The following AMOTL1 variants were observed in gnomAD, a reference collection of about 807,000 sequenced individuals.
The protein encoded by AMOTL1 is angiomotin-like protein 1.
A neutral mutation model predicts 102.9 loss-of-function variants in AMOTL1; 45 were observed. That is an observed-to-expected ratio of 0.44 (90% CI 0.34 to 0.56). The LOEUF is 0.56. AMOTL1 is among the 20% of genes least tolerant of loss of function. The probability of loss-of-function intolerance (pLI) is 0.01; values close to 1 mark genes in which losing one functional copy is unlikely to be tolerated. For synonymous variants in AMOTL1, 481 were observed against 484.7 expected, an observed-to-expected ratio of 0.99 and a Z score of 0.10; for missense variants, 1,114 against 1,225.6, an observed-to-expected ratio of 0.91 and a Z score of 1.36.
At chr11:94,805,383 G>A (rs1002877882) in intron 3 of AMOTL1, among the ~76,000 whole-genome samples, 2 of 152,150 alleles carry the variant, frequency 1.3e-5, no homozygotes, top group African/African-American at 2.4e-5. Flanking sequence ...GTGGGCTTTC[G>A]TCTGTCTTTT....
rs1953003546 is a variant in AMOTL1 at position 94,871,875 on chromosome 11, G to A, written c.*1080G>A. 1 of 152,104 alleles carries A rather than the reference G, an allele frequency of 6.6e-6. No homozygotes were observed. The highest frequency in any genetic ancestry group is 1.5e-5 in the Non-Finnish European group (1 of 68,030). 9.4% of individuals were successfully genotyped at this position (152,104 alleles called of 1,614,324 possible). ...TAGGACAGCACTCCAGGAAACAGAT[G>A]ACAATTTACAGACAGTTGTCTCAGT... On this transcript the variant is annotated 3_prime_UTR_variant, in exon 13 of 13. Coordinates refer to ENST00000433060, the MANE Select transcript of AMOTL1 (RefSeq NM_130847.3).
intron 1 of AMOTL1, among the ~76,000 whole-genome samples, chr11:94,770,365 G>A (rs1013270881): frequency 3.3e-5 from 5 of 151,934 alleles, no homozygotes; most frequent in Non-Finnish European, 7.4e-5. Context: ...TGACTAGAAT[G>A]AAGGAAAACA....
intron 1 of AMOTL1, among the ~76,000 whole-genome samples, chr11:94,721,212 A>G (rs1450205537): frequency 1.3e-5 from 2 of 152,170 alleles, no homozygotes; most frequent in East Asian, 1.9e-4. Flanking sequence ...CCAAGTGGAC[A>G]TGTGGCATAA....
chr11:94,808,285 C>T (rs1298622173), intron 3 of AMOTL1, among the ~76,000 whole-genome samples: 1 of 151,902 alleles, frequency 6.6e-6, no homozygotes, highest in Admixed American at 6.6e-5. Flanking sequence ...CTTTTACCCT[C>T]CTCTCACATG....
intron 3 of AMOTL1, among the ~76,000 whole-genome samples, chr11:94,802,555 C>A (rs1345169517): frequency 6.6e-6 from 1 of 152,148 alleles, no homozygotes; most frequent in Non-Finnish European, 1.5e-5. Flanking sequence ...TTTTGGAGGT[C>A]ATTTTTCTCA....
intron 3 of AMOTL1, among the ~76,000 whole-genome samples, chr11:94,749,195 T>C (rs1950622572): frequency 6.6e-6 from 1 of 152,132 alleles, no homozygotes; most frequent in Admixed American, 6.5e-5. Flanking sequence ...ATGATGTAAC[T>C]CTCAGCCCAA....
At chr11:94,784,320 T>C (rs2135537358) in intron 1 of AMOTL1, among the ~76,000 whole-genome samples, 1 of 152,326 alleles carries the variant, frequency 6.6e-6, no homozygotes, top group East Asian at 1.9e-4. Context: ...CATTTATGTA[T>C]GGTATGCTAG....
chr11:94,742,358 G>C (rs190659343), intron 3 of AMOTL1, among the ~76,000 whole-genome samples: 1 of 152,220 alleles, frequency 6.6e-6, no homozygotes, highest in African/African-American at 2.4e-5. Context: ...TCCACAGTGC[G>C]ACGAAGCCAT....
At chr11:94,857,004 G>A (rs556544710) in intron 8 of AMOTL1, among the ~76,000 whole-genome samples, 4 of 152,258 alleles carry the variant, frequency 2.6e-5, no homozygotes, top group South Asian at 4.1e-4. Flanking sequence ...GGGCTGGTAC[G>A]CTGAGGATGA....
chr11:94,793,984 C>A (rs1005857644), intron 1 of AMOTL1, among the ~76,000 whole-genome samples: 2 of 152,190 alleles, frequency 1.3e-5, no homozygotes, highest in Non-Finnish European at 2.9e-5. Context: ...TGAGGACATT[C>A]CCATCTTATG....
chr11:94,839,101 G>GT (rs1952243290), intron 6 of AMOTL1, among the ~76,000 whole-genome samples: 1 of 152,234 alleles, frequency 6.6e-6, no homozygotes, highest in African/African-American at 2.4e-5. Context: ...CCAGAGCCCA[G>GT]TAACCAGCCA....
At chr11:94,735,421 C>T (rs966848128) in intron 2 of AMOTL1, among the ~76,000 whole-genome samples, 5 of 152,172 alleles carry the variant, frequency 3.3e-5, no homozygotes, top group Admixed American at 6.5e-5. Context: ...TACTGAGGAA[C>T]GAGGGAGCTG....
chr11:94,815,149 C>A (rs974534460), intron 3 of AMOTL1, among the ~76,000 whole-genome samples: 7 of 152,160 alleles, frequency 4.6e-5, no homozygotes, highest in African/African-American at 1.7e-4. Context: ...GAATTGTCAA[C>A]ATAAATTATC....
chr11:94,821,496 C>G (rs1034886088), intron 3 of AMOTL1, 34 bp from the exon 4 acceptor site: 2 of 1,594,928 alleles, frequency 1.3e-6, no homozygotes, highest in African/African-American at 2.7e-5. Flanking sequence ...ACCATTTCCC[C>G]AGGCTCTAAC....
At chr11:94,729,181 G>A in intron 2 of AMOTL1, 1 of 590,824 alleles carries the variant, frequency 1.7e-6, no homozygotes, top group Non-Finnish European at 2.6e-6. Context: ...GAGTGGAGAG[G>A]AGAGGGAATG....
intron 6 of AMOTL1, among the ~76,000 whole-genome samples, chr11:94,846,982 C>T (rs1026171983): frequency 3.3e-5 from 5 of 152,156 alleles, no homozygotes; most frequent in Non-Finnish European, 7.3e-5. Context: ...GTTTTTAAAA[C>T]TTTATAATTG....
Position 94,762,628 on chromosome 11 carries a change from GA to G in AMOTL1, c.136+21642del, listed in dbSNP as rs1565342651. Among the ~76,000 whole-genome samples the G allele has an allele frequency of 1.4e-4, 21 of 152,250 alleles. No homozygotes were observed. In the South Asian group the frequency reaches 4.1e-3, roughly 30 times the overall value. On this transcript the variant is annotated intron_variant, in intron 3 of 4. Transcript: ENST00000299004. ...ATGTTTAGAATAACTGTCATGTATCGAATATCTACTCCATGTCGGAATCTTT... is the reference window on the plus strand; with the variant it reads ...ATGTTTAGAATAACTGTCATGTATCGATATCTACTCCATGTCGGAATCTTT...
intron 1 of AMOTL1, among the ~76,000 whole-genome samples, chr11:94,783,495 TG>T (rs1482704094): frequency 6.6e-6 from 1 of 152,200 alleles, no homozygotes; most frequent in African/African-American, 2.4e-5. Context: ...AATATATGTG[TG>T]TACAACCTTC....
chr11:94,869,536 CTT>C (rs1952952408), intron 12 of AMOTL1, 63 bp downstream of exon 12: 1 of 1,490,184 alleles, frequency 6.7e-7, no homozygotes. Context: ...CTAAGAGAAT[CTT>C]TTGTTGAGCT....
Sources: allele counts gnomAD v4.1 joint callset (sites outside exome capture counted in the v4.1 genomes callset), GRCh38; gene constraint gnomAD v4.1.1; transcripts MANE v1.5; gene names NCBI Gene and HGNC (gene_info 2026-07-23, HGNC 2026-07-21).